Variants in PCTP observed in about 807,000 individuals in gnomAD.
PCTP encodes START domain-containing protein 2.
Under a neutral mutation model 31.0 loss-of-function variants are expected in PCTP, and 27 were observed. The observed-to-expected ratio is 0.87, with a 90% CI of 0.64 to 1.20. The LOEUF is 1.20. Among genes scored for constraint, PCTP ranks in the 50% most tolerant of loss-of-function variants. PCTP has a pLI of 0.00. For synonymous variants in PCTP, 108 were observed against 101.2 expected, an observed-to-expected ratio of 1.07 and a Z score of -0.40; for missense variants, 287 against 268.2, an observed-to-expected ratio of 1.07 and a Z score of -0.49.
chr17:55,795,760 AC>A (rs1912166316), intron 3 of PCTP, among the ~76,000 whole-genome samples: 1 of 152,088 alleles, frequency 6.6e-6, no homozygotes, highest in African/African-American at 2.4e-5. Context: ...AGGGAAATAA[AC>A]AATCATAATA....
At chr17:55,828,720 G>A (rs1441854422) in intron 5 of PCTP, among the ~76,000 whole-genome samples, 1 of 152,188 alleles carries the variant, frequency 6.6e-6, no homozygotes, top group African/African-American at 2.4e-5. Context: ...TCTGGGTGAT[G>A]GAGCCCAGTA....
chr17:55,833,257 A>C (rs1184624271), intron 5 of PCTP, among the ~76,000 whole-genome samples: 1 of 152,238 alleles, frequency 6.6e-6, no homozygotes, highest in Non-Finnish European at 1.5e-5. Flanking sequence ...GTTCCACAGC[A>C]AGTATAGATA....
At chr17:55,844,532 C>A (rs905586722), downstream of PCTP, among the ~76,000 whole-genome samples, 4 of 152,090 alleles carry the variant, frequency 2.6e-5, no homozygotes, top group African/African-American at 9.7e-5. Flanking sequence ...AAATGCAGGA[C>A]CTTCATTTTA....
At chr17:55,809,825 T>A (rs747578781) in intron 3 of PCTP, among the ~76,000 whole-genome samples, 2 of 152,010 alleles carry the variant, frequency 1.3e-5, no homozygotes, top group Non-Finnish European at 2.9e-5. Context: ...CTGGCCAGAG[T>A]GTTCTTATTT....
chr17:55,751,315 G>A (rs1174500898), intron 1 of PCTP, 71 bp downstream of exon 1: 2 of 1,516,440 alleles, frequency 1.3e-6, no homozygotes, highest in Non-Finnish European at 1.8e-6. Context: ...CAGGGAGTGC[G>A]GGGCGGCAGT....
chr17:55,809,996 G>C (rs1912696514), intron 3 of PCTP, among the ~76,000 whole-genome samples: 1 of 151,966 alleles, frequency 6.6e-6, no homozygotes, highest in South Asian at 2.1e-4. Flanking sequence ...ACATAACACT[G>C]TTCAAAGCAG....
chr17:55,797,911 C>T (rs1253737040), intron 3 of PCTP, among the ~76,000 whole-genome samples: 1 of 151,924 alleles, frequency 6.6e-6, no homozygotes, highest in Non-Finnish European at 1.5e-5. Context: ...TAAAAGCAGA[C>T]AAGAGTGCCA....
chr17:55,852,106 G>A, the PCTP span, among the ~76,000 whole-genome samples: 31 of 152,054 alleles, frequency 2.0e-4, 1 homozygote, highest in Non-Finnish European at 4.3e-4. Context: ...TTTCCATTTT[G>A]ACATTTGTAG....
intron 5 of PCTP, among the ~76,000 whole-genome samples, chr17:55,835,282 C>A (rs115986984): frequency 6.6e-6 from 1 of 152,314 alleles, no homozygotes; most frequent in African/African-American, 2.4e-5. Flanking sequence ...ATTATGGCAG[C>A]AAACACAGTA....
At chr17:55,841,353 G>A (rs1490408431) in intron 5 of PCTP, among the ~76,000 whole-genome samples, 1 of 152,232 alleles carries the variant, frequency 6.6e-6, no homozygotes, top group Admixed American at 6.5e-5. Context: ...CCACAGAGGA[G>A]AGGTTGTGGG....
At position 55,756,926 on chromosome 17, in the gene PCTP, G is replaced by A. The variant is rs570802357; in HGVS notation, c.141+5682G>A. Among the ~76,000 whole-genome samples the A allele has an allele frequency of 3.3e-5, 5 of 152,182 alleles. No individual in the cohort carries two copies. In the East Asian group the frequency reaches 9.7e-4, roughly 30 times the overall value. ...GATATGAGATTGAAGAGTGGCCAGG[G>A]GCCAGGCCCTACTTACTGGCCAGGT... On this transcript the variant is annotated intron_variant, in intron 1 of 5. Transcript: ENST00000268896.
intron 1 of PCTP, among the ~76,000 whole-genome samples, chr17:55,765,983 A>G (rs1200942796): frequency 1.3e-5 from 2 of 152,174 alleles, no homozygotes; most frequent in Admixed American, 6.5e-5. Flanking sequence ...AGATGCTCTG[A>G]TAAATGTTAA....
Position 55,799,526 on chromosome 17 carries a change from C to T in PCTP, c.317+11872C>T, listed in dbSNP as rs559754201. Reference sequence around the variant, plus strand: ...CACCAATGGGTCTTGACTCTTTATGCAATTTGCCAGTCTGTGTCTTTTAAT... The same window carrying T: ...CACCAATGGGTCTTGACTCTTTATGTAATTTGCCAGTCTGTGTCTTTTAAT... On this transcript the variant is annotated intron_variant, in intron 3 of 3. Coordinates refer to the PCTP transcript ENST00000572536. 2.0e-5 allele frequency among the ~76,000 whole-genome samples: 3 copies of T among 151,882 alleles called. No individual in the cohort carries two copies. The South Asian group carries it at 6.2e-4, about 32-fold the overall frequency.
intron 1 of PCTP, among the ~76,000 whole-genome samples, chr17:55,755,053 A>T (rs544325761): frequency 1.3e-5 from 2 of 152,208 alleles, no homozygotes; most frequent in Non-Finnish European, 2.9e-5. Flanking sequence ...AGGAGACCAG[A>T]GACAATTTGT....
At chr17:55,797,606 C>T (rs941310198) in intron 3 of PCTP, among the ~76,000 whole-genome samples, 1 of 151,894 alleles carries the variant, frequency 6.6e-6, no homozygotes, top group Non-Finnish European at 1.5e-5. Flanking sequence ...TCATGTTAGT[C>T]CTGACTCACA....
intron 1 of PCTP, among the ~76,000 whole-genome samples, chr17:55,767,059 T>A (rs1261423800): frequency 6.6e-6 from 1 of 152,248 alleles, no homozygotes; most frequent in Non-Finnish European, 1.5e-5. Flanking sequence ...ATAAATGTCT[T>A]CTTTTGAGAA....
intron 1 of PCTP, among the ~76,000 whole-genome samples, chr17:55,765,152 CA>C (rs1288184348): frequency 3.3e-5 from 5 of 152,142 alleles, no homozygotes; most frequent in Admixed American, 6.5e-5. Flanking sequence ...GTCTTTTATA[CA>C]GAATCAAAAA....
At chr17:55,768,523 A>C (rs748165550) in intron 2 of PCTP, among the ~76,000 whole-genome samples, 1 of 152,222 alleles carries the variant, frequency 6.6e-6, no homozygotes. Context: ...AATAGCCGCC[A>C]GCAGTTTGGT....
At chr17:55,771,360 C>T (rs1910999148) in intron 3 of PCTP, among the ~76,000 whole-genome samples, 175 bp downstream of exon 3, 1 of 152,178 alleles carries the variant, frequency 6.6e-6, no homozygotes, top group African/African-American at 2.4e-5. Flanking sequence ...GTTTGGAGAG[C>T]TCAGAGTGTG....
Sources: allele counts gnomAD v4.1 joint callset (sites outside exome capture counted in the v4.1 genomes callset), GRCh38; gene constraint gnomAD v4.1.1; transcripts MANE v1.5; gene names NCBI Gene and HGNC (gene_info 2026-07-23, HGNC 2026-07-21).